SEC16B: variants seen among roughly 807,000 people sequenced by gnomAD.
The protein encoded by SEC16B is SEC16 homolog B, endoplasmic reticulum export factor.
Under a neutral mutation model 141.8 loss-of-function variants are expected in SEC16B, and 115 were observed. That is an observed-to-expected ratio of 0.81 (90% CI 0.70 to 0.95). The LOEUF is 0.95. Ranked by LOEUF, SEC16B falls within the 40% of genes least tolerant of loss-of-function variation. SEC16B has a pLI of 0.00. For synonymous variants in SEC16B, 493 were observed against 492.5 expected, an observed-to-expected ratio of 1.00 and a Z score of -0.01; for missense variants, 1,291 against 1,312.3, an observed-to-expected ratio of 0.98 and a Z score of 0.25.
Position 177,957,435 on chromosome 1 carries a change from A to C in SEC16B, c.1365+697T>G, listed in dbSNP as rs147704158. On this transcript the variant is annotated intron_variant, in intron 10 of 25. Transcript: ENST00000308284. ...AATAAACAACTGTATATGCAATTTT[A>C]TTTTCTTTTTAATATATATGCATGG... is the stretch of plus-strand genomic sequence containing the variant. Among the ~76,000 whole-genome samples, 183 of 152,228 alleles carry C rather than the reference A, an allele frequency of 1.2e-3. 1 individual carries two copies. Among genetic ancestry groups the C allele is most frequent in the African/African-American group, 4.1e-3 (171 of 41,560 alleles).
intron 16 of SEC16B, among the ~76,000 whole-genome samples, chr1:177,941,459 T>A (rs1387553198): frequency 6.6e-6 from 1 of 152,262 alleles, no homozygotes; most frequent in Admixed American, 6.5e-5. Flanking sequence ...AAGGTTGATA[T>A]GTTTTTGTTT....
intron 6 of SEC16B, 142 bp from the exon 7 acceptor site, chr1:177,961,081 G>T: frequency 1.2e-6 from 1 of 847,650 alleles, no homozygotes; most frequent in Non-Finnish European, 1.8e-6. Context: ...GTAATTAGAA[G>T]AAGCCCATGT....
intron 11 of SEC16B, among the ~76,000 whole-genome samples, chr1:177,952,488 C>T (rs529393509): frequency 2.6e-5 from 4 of 152,216 alleles, no homozygotes; most frequent in South Asian, 2.1e-4. Context: ...TGCTCACAAG[C>T]GCTAAATAGC....
chr1:177,944,254 T>C (rs922004343), intron 15 of SEC16B, among the ~76,000 whole-genome samples: 2 of 151,768 alleles, frequency 1.3e-5, no homozygotes, highest in African/African-American at 4.8e-5. Context: ...TCTGGAGAGA[T>C]GGGGAGAAGG....
chr1:177,947,798 C>T (rs373828376), intron 13 of SEC16B, 27 bp downstream of exon 13: 54 of 857,978 alleles, frequency 6.3e-5, no homozygotes, highest in South Asian at 1.8e-4. Context: ...GGGAGGGGAG[C>T]GGAGGGGAAA....
At chr1:177,962,842 C>G (rs1031747860) in intron 5 of SEC16B, among the ~76,000 whole-genome samples, 2 of 152,018 alleles carry the variant, frequency 1.3e-5, no homozygotes, top group Non-Finnish European at 2.9e-5. Flanking sequence ...CGCAGTGGCT[C>G]ACACCTGTAA....
At chr1:177,953,184 T>C (rs1180229999) in intron 11 of SEC16B, among the ~76,000 whole-genome samples, 1 of 152,046 alleles carries the variant, frequency 6.6e-6, no homozygotes, top group Non-Finnish European at 1.5e-5. Context: ...ATTTGTATTT[T>C]TAGTAGAGAC....
chr1:177,959,046 T>A (rs1652863508), intron 8 of SEC16B, 71 bp from the exon 9 acceptor site: 11 of 1,520,850 alleles, frequency 7.2e-6, no homozygotes, highest in African/African-American at 1.4e-5. Flanking sequence ...CCCAGGCTCC[T>A]CCTAAGTGTG....
chr1:177,944,480 G>A (rs1317637031), intron 15 of SEC16B, 81 bp downstream of exon 15: 29 of 1,088,398 alleles, frequency 2.7e-5, no homozygotes, highest in Non-Finnish European at 3.9e-5. Context: ...CAGGTACTAA[G>A]TGCCAAAAAG....
intron 11 of SEC16B, among the ~76,000 whole-genome samples, chr1:177,953,108 C>A (rs187681294): frequency 4.0e-5 from 6 of 150,176 alleles, no homozygotes; most frequent in Non-Finnish European, 5.9e-5. Context: ...CAGGTTCAAG[C>A]GATTCTCCTG....
At chr1:177,943,283 A>T (rs7539159) in intron 15 of SEC16B, among the ~76,000 whole-genome samples, 30,010 of 152,160 alleles carry the variant, frequency 0.2, 3,155 homozygotes, top group Middle Eastern at 0.24. Context: ...CAAAGCCCTT[A>T]AAAAAGAGAA....
chr1:177,936,299 T>C lies in SEC16B; in HGVS notation c.2570A>G (p.Gln857Arg). ...ATCTTTTATGCTGTGCGCTCTCACC[T>C]GTGGTTTGGAAATGACCTCTTGGCC... ...PDGQEVISKP[Q>R]TPLAARPRSI... The change falls in exon 20 of 26, where the codon CAG becomes CGG. Residue 857 changes from glutamine to arginine, a missense_variant and splice_region_variant. This residue lies in a region of SEC16B where 605 missense variants were observed against 614.1 expected (regional missense o/e 0.99). Coordinates refer to ENST00000308284, the MANE Select transcript of SEC16B (RefSeq NM_033127.4). 8 of 1,608,836 alleles carry C rather than the reference T, an allele frequency of 5.0e-6. No individual in the cohort carries two copies. Among genetic ancestry groups the C allele is most frequent in the Non-Finnish European group, 6.8e-6 (8 of 1,177,616 alleles).
intron 1 of SEC16B, among the ~76,000 whole-genome samples, chr1:177,979,379 A>G (rs1461558195): frequency 1.3e-5 from 2 of 152,224 alleles, no homozygotes; most frequent in Non-Finnish European, 2.9e-5. Flanking sequence ...TGTTCTGCCC[A>G]CTGTTCCATG....
At chr1:177,934,745 G>A (rs1361624181) in intron 20 of SEC16B, among the ~76,000 whole-genome samples, 1 of 152,122 alleles carries the variant, frequency 6.6e-6, no homozygotes, top group Non-Finnish European at 1.5e-5. Flanking sequence ...CTAAGTGAAT[G>A]ATTCAAGACA....
intron 8 of SEC16B, 176 bp downstream of exon 8, chr1:177,960,166 G>C: frequency 1.7e-6 from 1 of 588,070 alleles, no homozygotes; most frequent in Non-Finnish European, 3.1e-6. Context: ...TGAATGGCTT[G>C]TCAAAATGAC....
chr1:177,960,813 A>G lies in SEC16B; in HGVS notation c.914T>C (p.Leu305Pro). 1.2e-6 allele frequency: 2 copies of G among 1,611,110 alleles called. No individual in the cohort carries two copies. Among genetic ancestry groups the G allele is most frequent in the East Asian group, 2.2e-5 (1 of 44,692 alleles). ...TACCTCCATGCTGTGCAGTTCAACA[A>G]GGGCTGCTTGCCCGTCAGTGGGAGA... ...PSSPTDGQAA[L>P]VELHSMEVIL... Residue 305 changes from leucine to proline, a missense_variant, in exon 7 of 26, where the codon CTT (leucine) becomes CCT (proline). Transcript: ENST00000308284.
Position 177,961,572 on chromosome 1 carries a change from G to C in SEC16B, c.787+18C>G. 1.9e-6 allele frequency: 3 copies of C among 1,594,212 alleles called. No individual in the cohort carries two copies. Among genetic ancestry groups the C allele is most frequent in the Non-Finnish European group, 2.6e-6 (3 of 1,173,694 alleles). ...CACATCAGATTCAATCAACTCTTCT[G>C]ATCATTTTAGAACCCACCAGCCTGA... On this transcript the variant is annotated intron_variant, in intron 6 of 25. Transcript: ENST00000308284.
intron 1 of SEC16B, among the ~76,000 whole-genome samples, chr1:177,980,070 T>C (rs532302936): frequency 9.8e-4 from 150 of 152,322 alleles, no homozygotes; most frequent in African/African-American, 3.5e-3. Flanking sequence ...TAACTGAATT[T>C]TGTAGATTCT....
chr1:177,946,038 A>G lies in SEC16B; in HGVS notation c.1775+382T>C, dbSNP rs115060639. ...TTCCATTTTCCAGTTTTGCCTGGGT[A>G]GGCTCTCAGAACAGGCCCAGGGCTG... On this transcript the variant is annotated intron_variant, in intron 14 of 25. Transcript: ENST00000308284. The G allele has an allele frequency of 5.5e-3, 2,291 of 418,334 alleles. 51 individuals carry two copies. Among genetic ancestry groups the G allele is most frequent in the African/African-American group, 0.042 (2,067 of 49,688 alleles). 25.9% of individuals were successfully genotyped at this position (418,334 alleles called of 1,614,324 possible).
Sources: gnomAD v4.1 joint callset for allele counts (sites outside exome capture counted in the v4.1 genomes callset) on GRCh38, gnomAD v4.1.1 for gene constraint, gnomAD v4.1.1 regional missense constraint, MANE v1.5 for transcripts, NCBI Gene and HGNC (gene_info 2026-07-23, HGNC 2026-07-21) for gene names.